Variants in GPC5 observed in about 807,000 individuals in gnomAD.
GPC5 encodes glypican 5.
Under a neutral mutation model 53.9 loss-of-function variants are expected in GPC5, and 47 were observed. The ratio of observed to expected loss-of-function variants is 0.87; its 90% CI spans 0.69 to 1.11. The LOEUF is 1.11. Ranked by LOEUF, GPC5 falls within the 50% of genes most tolerant of loss-of-function variation. The pLI is 0.00. For synonymous variants in GPC5, 286 were observed against 263.3 expected, an observed-to-expected ratio of 1.09 and a Z score of -0.84; for missense variants, 748 against 713.1, an observed-to-expected ratio of 1.05 and a Z score of -0.56.
intron 2 of GPC5, among the ~76,000 whole-genome samples, chr13:91,641,014 A>C (rs1296360083): frequency 6.6e-6 from 1 of 152,118 alleles, no homozygotes; most frequent in African/African-American, 2.4e-5. Context: ...ATCCTCAGCA[A>C]ACTAACACAG....
chr13:91,756,914 A>AAG (rs565879183), intron 5 of GPC5, among the ~76,000 whole-genome samples: 273 of 151,680 alleles, frequency 1.8e-3, no homozygotes, highest in Middle Eastern at 3.4e-3. Flanking sequence ...GAGATTGAGA[A>AAG]AGAGAGAGAG....
chr13:92,699,022 C>G (rs7491566), intron 7 of GPC5, among the ~76,000 whole-genome samples: 8,002 of 152,114 alleles, frequency 0.053, 609 homozygotes, highest in East Asian at 0.33. Context: ...TTTTGTACCT[C>G]TGGTAGCATT....
At chr13:92,459,780 A>C (rs1362340265) in intron 7 of GPC5, among the ~76,000 whole-genome samples, 1 of 152,142 alleles carries the variant, frequency 6.6e-6, no homozygotes, top group East Asian at 1.9e-4. Flanking sequence ...AACTTGTTTT[A>C]TTTTTTAAAA....
chr13:91,502,883 C>T (rs370435325), intron 2 of GPC5, among the ~76,000 whole-genome samples: 1 of 152,278 alleles, frequency 6.6e-6, no homozygotes, highest in African/African-American at 2.4e-5. Flanking sequence ...AGATTTGAAC[C>T]TTGGTACTGT....
intron 5 of GPC5, among the ~76,000 whole-genome samples, chr13:91,813,558 C>A (rs2038348726): frequency 6.6e-6 from 1 of 152,158 alleles, no homozygotes; most frequent in African/African-American, 2.4e-5. Flanking sequence ...TTTGACAGAG[C>A]AGAAACCAGG....
At chr13:91,858,551 G>A (rs2038991882) in intron 5 of GPC5, among the ~76,000 whole-genome samples, 1 of 151,952 alleles carries the variant, frequency 6.6e-6, no homozygotes, top group Admixed American at 6.6e-5. Context: ...CTAATGTGTT[G>A]TTGAATGCAG....
At chr13:92,193,452 G>A in intron 7 of GPC5, among the ~76,000 whole-genome samples, 1 of 152,100 alleles carries the variant, frequency 6.6e-6, no homozygotes, top group East Asian at 1.9e-4. Flanking sequence ...TAACTAACAG[G>A]AAAGGAGAAT....
intron 6 of GPC5, among the ~76,000 whole-genome samples, chr13:92,020,905 G>T (rs1415670323): frequency 2.0e-5 from 3 of 151,912 alleles, no homozygotes; most frequent in African/African-American, 7.3e-5. Context: ...TGAAATCATT[G>T]CCAAGACCGA....
At chr13:92,037,040 C>G (rs2040898900) in intron 6 of GPC5, among the ~76,000 whole-genome samples, 1 of 152,166 alleles carries the variant, frequency 6.6e-6, no homozygotes, top group Admixed American at 6.5e-5. Flanking sequence ...CAATTCATGC[C>G]ATTTATTTGC....
At chr13:91,456,811 C>A (rs1881591714) in intron 2 of GPC5, among the ~76,000 whole-genome samples, 1 of 148,410 alleles carries the variant, frequency 6.7e-6, no homozygotes. Context: ...TAGCCCTGTG[C>A]ACTTAGCATA....
intron 6 of GPC5, among the ~76,000 whole-genome samples, chr13:92,006,744 G>GAC (rs765355954): frequency 6.6e-6 from 1 of 152,100 alleles, no homozygotes; most frequent in African/African-American, 2.4e-5. Context: ...AAGAGAGAGA[G>GAC]ACACACACAC....
chr13:92,501,229 T>C lies in GPC5; in HGVS notation c.1561+356240T>C, dbSNP rs958849981. Among the ~76,000 whole-genome samples, 21 of 152,040 alleles carry C rather than the reference T, an allele frequency of 1.4e-4. 1 individual carries two copies. The highest frequency in any genetic ancestry group is 2.9e-4 in the African/African-American group (12 of 41,470). On this transcript the variant is annotated intron_variant, in intron 7 of 7. Coordinates refer to ENST00000377067, the MANE Select transcript of GPC5 (RefSeq NM_004466.6). The stretch of plus-strand genomic sequence containing the variant: ...ATATTCCAACAAATAAAGGTAAAAA[T>C]GTATTGCAGGAATGAAACAATAGAA...
At chr13:91,487,439 T>C (rs915274644) in intron 2 of GPC5, among the ~76,000 whole-genome samples, 1 of 152,200 alleles carries the variant, frequency 6.6e-6, no homozygotes, top group African/African-American at 2.4e-5. Context: ...CTCACTCTTA[T>C]TTTCTGTGAT....
intron 5 of GPC5, among the ~76,000 whole-genome samples, chr13:91,848,994 AT>A (rs2038883041): frequency 6.6e-6 from 1 of 152,280 alleles, no homozygotes; most frequent in Admixed American, 6.5e-5. Flanking sequence ...AATGTGAACT[AT>A]TTTTTAGAGG....
intron 5 of GPC5, among the ~76,000 whole-genome samples, chr13:91,798,348 C>T (rs1402461413): frequency 6.6e-6 from 1 of 152,132 alleles, no homozygotes; most frequent in Non-Finnish European, 1.5e-5. Flanking sequence ...CTTCCCCTGC[C>T]TCTCCCCGAC....
intron 2 of GPC5, among the ~76,000 whole-genome samples, chr13:91,654,585 C>A (rs2034801414): frequency 6.6e-6 from 1 of 152,106 alleles, no homozygotes; most frequent in African/African-American, 2.4e-5. Context: ...ATACTTTATA[C>A]ACTGTCTCTG....
chr13:91,815,481 A>T (rs1293876491), intron 5 of GPC5, among the ~76,000 whole-genome samples: 1 of 152,232 alleles, frequency 6.6e-6, no homozygotes, highest in African/African-American at 2.4e-5. Context: ...GTGTTTTTAT[A>T]GCATTGTATC....
At chr13:92,386,479 A>G (rs1482224674) in intron 7 of GPC5, among the ~76,000 whole-genome samples, 1 of 151,968 alleles carries the variant, frequency 6.6e-6, no homozygotes, top group Non-Finnish European at 1.5e-5. Flanking sequence ...ATAAATCTCT[A>G]CCCTACTCTC....
At chr13:91,556,782 G>A (rs1255861725) in intron 2 of GPC5, among the ~76,000 whole-genome samples, 2 of 151,890 alleles carry the variant, frequency 1.3e-5, no homozygotes, top group South Asian at 2.1e-4. Context: ...GGATGCAAAG[G>A]CATAAGAATG....
Sources: allele counts gnomAD v4.1 joint callset (sites outside exome capture counted in the v4.1 genomes callset), GRCh38; gene constraint gnomAD v4.1.1; transcripts MANE v1.5; gene names NCBI Gene and HGNC (gene_info 2026-07-23, HGNC 2026-07-21).